The following TCEA3 variants were observed in gnomAD, a reference collection of about 807,000 sequenced individuals.
TCEA3 encodes the protein transcription elongation factor A3.
In TCEA3, 36 loss-of-function variants were observed where a neutral mutation model predicts 44.0. The observed-to-expected ratio is 0.82, with a 90% CI of 0.63 to 1.08. The LOEUF (loss-of-function observed/expected upper bound fraction) is 1.08, where lower values mean the gene tolerates loss of function less well. Among genes scored for constraint, TCEA3 ranks in the 50% least tolerant of loss-of-function variants. The pLI, the probability that TCEA3 is intolerant of heterozygous loss-of-function variation, is 0.00. For missense variants in TCEA3, 392 were observed against 441.2 expected (o/e 0.89, Z 1.00); for synonymous variants, 162 against 159.7 (o/e 1.01, Z -0.11).
intron 1 of TCEA3, among the ~76,000 whole-genome samples, chr1:23,424,208 C>A (rs1034707515): frequency 1.1e-4 from 17 of 150,846 alleles, no homozygotes; most frequent in African/African-American, 3.9e-4. Flanking sequence ...GCTTTGCACA[C>A]GCCAAGCCCT....
intron 8 of TCEA3, among the ~76,000 whole-genome samples, chr1:23,391,197 C>T (rs1366666885): frequency 7.2e-6 from 1 of 138,156 alleles, no homozygotes; most frequent in Non-Finnish European, 1.5e-5. Flanking sequence ...ACTGCAACCT[C>T]TGCCTCCTGG....
In TCEA3 at chr1:23,397,921, T is replaced by C. The variant is rs1639270531; in HGVS notation, c.478A>G (p.Lys160Glu). The C allele has an allele frequency of 6.2e-7, 1 of 1,613,804 alleles. No homozygotes were observed. Among genetic ancestry groups the C allele is most frequent in the Non-Finnish European group, 8.5e-7 (1 of 1,179,848 alleles). ...NSSKSKAESPKTPSSPLTPTF... is the reference protein window; with the variant it reads ...NSSKSKAESPETPSSPLTPTF... ...GGGGTCAAGGGGCTGCTAGGTGTTT[T>C]GGGGCTCTCCGCTTTTGATTTGCTG... The change falls in exon 6 of 11, where the codon AAA (lysine) becomes GAA (glutamate). Residue 160 changes from lysine (K) to glutamate (E), a missense_variant. Transcript: ENST00000450454.
At chr1:23,398,576 G>A (rs1285293094) in intron 5 of TCEA3, among the ~76,000 whole-genome samples, 1 of 152,128 alleles carries the variant, frequency 6.6e-6, no homozygotes, top group Non-Finnish European at 1.5e-5. Flanking sequence ...AACTGTGCCA[G>A]GCACTTTAAA....
At chr1:23,396,742 C>CCTGTAATCCCAG (rs1639226551) in intron 7 of TCEA3, among the ~76,000 whole-genome samples, 1 of 152,034 alleles carries the variant, frequency 6.6e-6, no homozygotes, top group African/African-American at 2.4e-5. Flanking sequence ...ATGGCTCACA[C>CCTGTAATCCCAG]CTGTAATCCC....
In TCEA3 at chr1:23,419,003, C is replaced by G; in HGVS notation, c.132+74G>C. 3.5e-6 allele frequency: 4 copies of G among 1,152,544 alleles called. No homozygotes were observed. The Admixed American group carries it at 1.2e-4, about 34-fold the overall frequency. 71.4% of individuals were successfully genotyped at this position (1,152,544 alleles called of 1,614,324 possible). On this transcript the variant is annotated intron_variant, in intron 2 of 10. Transcript: ENST00000450454. ...AATTCCTCCCAGACTCCACCTTCCCCCACCAGGGGTCTTTCCCTCCCCCAC... is the reference window on the plus strand; with the variant it reads ...AATTCCTCCCAGACTCCACCTTCCCGCACCAGGGGTCTTTCCCTCCCCCAC...
intron 10 of TCEA3, chr1:23,384,039 C>G: frequency 8.1e-7 from 1 of 1,234,200 alleles, no homozygotes; most frequent in Non-Finnish European, 1.0e-6. Context: ...TTTTTCCTCT[C>G]CTCTGTGGAT....
chr1:23,417,051 C>G (rs1639912545), intron 4 of TCEA3, among the ~76,000 whole-genome samples, 198 bp downstream of exon 4: 1 of 152,174 alleles, frequency 6.6e-6, no homozygotes, highest in African/African-American at 2.4e-5. Flanking sequence ...AAAGCCAGTG[C>G]CATTTATGTC....
intron 3 of TCEA3, 112 bp from the exon 4 acceptor site, chr1:23,417,502 C>A: frequency 3.7e-5 from 53 of 1,439,362 alleles, no homozygotes; most frequent in Non-Finnish European, 4.7e-5. Context: ...TGCACACACA[C>A]TCCCAACACA....
intron 4 of TCEA3, among the ~76,000 whole-genome samples, chr1:23,416,717 C>T (rs560953181): frequency 3.4e-4 from 51 of 152,194 alleles, no homozygotes; most frequent in South Asian, 1.5e-3. Context: ...GTCTCAAACT[C>T]GTGGGCTCAA....
chr1:23,417,300 G>A lies in TCEA3; in HGVS notation c.329C>T (p.Pro110Leu). Residue 110 changes from proline to leucine, a missense_variant, in exon 4 of 11, where the codon CCA becomes CTA. By Grantham distance (98) the Pro-to-Leu change is moderately conservative (BLOSUM62 -3). Coordinates refer to ENST00000450454, the MANE Select transcript of TCEA3 (RefSeq NM_003196.3). Reference protein sequence around the residue: ...EKGLECSDWKPEAGLSPPRKK... With the variant: ...EKGLECSDWKLEAGLSPPRKK... ...CCTTGGTGGAGAAAGGCCTGCTTCTGGCTTCCAGTCTGAACACTCAAGCCC... is the reference window on the plus strand; with the variant it reads ...CCTTGGTGGAGAAAGGCCTGCTTCTAGCTTCCAGTCTGAACACTCAAGCCC... 4 of 1,613,978 alleles carry A rather than the reference G, an allele frequency of 2.5e-6. No homozygotes were observed. The highest frequency in any genetic ancestry group is 3.4e-6 in the Non-Finnish European group (4 of 1,179,880).
chr1:23,424,729 G>A lies in TCEA3; in HGVS notation c.-96C>T, dbSNP rs1640171556. ...AAGGCGGAGGGCGCGCAACCCGCGC[G>A]GGCCCCAAACACACACGACACACAC... On this transcript the variant is annotated 5_prime_UTR_variant, in exon 1 of 11. Coordinates refer to ENST00000450454, the MANE Select transcript of TCEA3 (RefSeq NM_003196.3). The A allele has an allele frequency of 3.2e-6, 3 of 939,616 alleles. No homozygotes were observed. The highest frequency in any genetic ancestry group is 1.7e-5 in the African/African-American group (1 of 59,550). 58.2% of individuals were successfully genotyped at this position (939,616 alleles called of 1,614,324 possible).
chr1:23,413,418 T>G (rs1396177140), intron 4 of TCEA3, among the ~76,000 whole-genome samples: 1 of 147,236 alleles, frequency 6.8e-6, no homozygotes, highest in East Asian at 2.1e-4. Flanking sequence ...ATGAGCCACT[T>G]TGCCCAGCCC....
At chr1:23,419,702 G>GGC (rs1640001283) in intron 1 of TCEA3, among the ~76,000 whole-genome samples, 1 of 152,112 alleles carries the variant, frequency 6.6e-6, no homozygotes, top group Admixed American at 6.5e-5. Context: ...CAGGCGTGGT[G>GGC]GCGCATGCCT....
At chr1:23,405,948 A>T (rs181103948) in intron 5 of TCEA3, among the ~76,000 whole-genome samples, 1 of 152,292 alleles carries the variant, frequency 6.6e-6, no homozygotes, top group African/African-American at 2.4e-5. Flanking sequence ...GGTTCCTGCC[A>T]CGAAATGTCA....
At chr1:23,413,816 T>G (rs780711495) in intron 4 of TCEA3, among the ~76,000 whole-genome samples, 1 of 152,102 alleles carries the variant, frequency 6.6e-6, no homozygotes, top group Admixed American at 6.5e-5. Context: ...TTCTTGTGCT[T>G]GATTTTCTAA....
At chr1:23,392,941 C>A (rs1235910131) in intron 8 of TCEA3, among the ~76,000 whole-genome samples, 1 of 152,108 alleles carries the variant, frequency 6.6e-6, no homozygotes, top group Non-Finnish European at 1.5e-5. Flanking sequence ...CACTTTATTT[C>A]TATTATTATT....
intron 1 of TCEA3, among the ~76,000 whole-genome samples, chr1:23,422,458 G>A (rs1640093017): frequency 6.6e-6 from 1 of 152,172 alleles, no homozygotes; most frequent in Non-Finnish European, 1.5e-5. Flanking sequence ...AGCCTTAAGT[G>A]GCTGAGACTT....
At chr1:23,398,119 C>T (rs1221324885) in intron 5 of TCEA3, among the ~76,000 whole-genome samples, 164 bp from the exon 6 acceptor site, 4 of 152,046 alleles carry the variant, frequency 2.6e-5, no homozygotes, top group African/African-American at 7.2e-5. Context: ...ATTTAATCCT[C>T]GTGACAACCC....
chr1:23,404,107 T>C (rs144626834), intron 5 of TCEA3: 1 of 702,352 alleles, frequency 1.4e-6, no homozygotes, highest in Non-Finnish European at 2.6e-6. Context: ...CCGGGCCCGC[T>C]GCTTCTGTGC....
Sources: allele counts gnomAD v4.1 joint callset (sites outside exome capture counted in the v4.1 genomes callset), GRCh38; gene constraint gnomAD v4.1.1; transcripts MANE v1.5; gene names NCBI Gene and HGNC (gene_info 2026-07-23, HGNC 2026-07-21).